Variants in SLC22A2 observed in about 807,000 individuals in gnomAD.
SLC22A2 encodes solute carrier family 22 member 2.
In SLC22A2, 46 loss-of-function variants were observed where a neutral mutation model predicts 60.5. That is an observed-to-expected ratio of 0.76 (90% CI 0.60 to 0.97). The LOEUF (loss-of-function observed/expected upper bound fraction) is 0.97. Ranked by LOEUF, SLC22A2 falls within the 50% of genes least tolerant of loss-of-function variation. The pLI is 0.00. For synonymous variants in SLC22A2, 303 were observed against 267.0 expected (o/e 1.13, Z -1.31); for missense variants, 701 against 706.6 (o/e 0.99, Z 0.09).
At chr6:160,226,856 G>A (rs994271315) in intron 9 of SLC22A2, among the ~76,000 whole-genome samples, 2 of 152,032 alleles carry the variant, frequency 1.3e-5, no homozygotes, top group African/African-American at 2.4e-5. Flanking sequence ...ATGGAAAGGG[G>A]TGGGGGTCAG....
chr6:160,229,119 C>A (rs1275410346), intron 9 of SLC22A2, among the ~76,000 whole-genome samples: 1 of 151,850 alleles, frequency 6.6e-6, no homozygotes, highest in Non-Finnish European at 1.5e-5. Context: ...CTGCTCTTTG[C>A]TCTGTGAGAA....
chr6:160,257,764 A>G (rs1257660099), intron 1 of SLC22A2: 1 of 152,038 alleles, frequency 6.6e-6, no homozygotes, highest in African/African-American at 2.4e-5. Flanking sequence ...TTTCTATTAT[A>G]TTTATTGGAA....
At chr6:160,241,888 T>C (rs1303264913) in intron 8 of SLC22A2, among the ~76,000 whole-genome samples, 1 of 152,014 alleles carries the variant, frequency 6.6e-6, no homozygotes, top group Non-Finnish European at 1.5e-5. Flanking sequence ...TATATATATA[T>C]ATATATACAT....
chr6:160,233,866 C>T (rs958917568), intron 9 of SLC22A2, among the ~76,000 whole-genome samples: 1 of 151,738 alleles, frequency 6.6e-6, no homozygotes, highest in African/African-American at 2.4e-5. Flanking sequence ...TTCACCACCC[C>T]AAAACTTTAC....
At chr6:160,221,144 T>C (rs1222351764) in intron 10 of SLC22A2, among the ~76,000 whole-genome samples, 1 of 152,244 alleles carries the variant, frequency 6.6e-6, no homozygotes, top group African/African-American at 2.4e-5. Context: ...TGATCACCTT[T>C]ATCAGTGATC....
intron 2 of SLC22A2, among the ~76,000 whole-genome samples, chr6:160,255,989 A>C (rs539286474): frequency 6.6e-6 from 1 of 152,318 alleles, no homozygotes; most frequent in East Asian, 1.9e-4. Context: ...GCTGAAGACA[A>C]GACTCATCAG....
chr6:160,241,912 TTC>T (rs1783010499), intron 8 of SLC22A2, among the ~76,000 whole-genome samples: 3 of 150,054 alleles, frequency 2.0e-5, no homozygotes, highest in African/African-American at 7.3e-5. Flanking sequence ...TCCATTCATA[TTC>T]TGTCATTCTT....
At chr6:160,231,257 GC>G (rs1239107760) in intron 9 of SLC22A2, among the ~76,000 whole-genome samples, 1 of 151,566 alleles carries the variant, frequency 6.6e-6, no homozygotes, top group Non-Finnish European at 1.5e-5. Context: ...CCCTTATTAG[GC>G]CAAGATATTT....
At position 160,242,407 on chromosome 6, in the gene SLC22A2, G is replaced by C. The variant is rs1326277397; in HGVS notation, c.1280-5C>G. 6.8e-7 allele frequency: 1 copy of C among 1,468,890 alleles called. No individual in the cohort carries two copies. The highest frequency in any genetic ancestry group is 1.4e-5 in the African/African-American group (1 of 72,024). 91.0% of individuals were successfully genotyped at this position (1,468,890 alleles called of 1,614,324 possible). The stretch of plus-strand genomic sequence containing the variant: ...TAATTTTTAGCCATTGTAGATCTAA[G>C]AGGGAAAAGAACAGTACTTATCCGT... On this transcript the variant is annotated splice_polypyrimidine_tract_variant and splice_region_variant and intron_variant, in intron 7 of 10. Coordinates refer to ENST00000366953, the MANE Select transcript of SLC22A2 (RefSeq NM_003058.4).
intron 9 of SLC22A2, among the ~76,000 whole-genome samples, chr6:160,227,155 A>C (rs1782737547): frequency 6.6e-6 from 1 of 152,192 alleles, no homozygotes; most frequent in African/African-American, 2.4e-5. Flanking sequence ...TTCCCTTTCC[A>C]GACCCTCCCA....
At chr6:160,224,425 T>C (rs1166312790) in intron 10 of SLC22A2, among the ~76,000 whole-genome samples, 1 of 152,204 alleles carries the variant, frequency 6.6e-6, no homozygotes, top group African/African-American at 2.4e-5. Context: ...CAGAATATTT[T>C]ATTTTTATGA....
At chr6:160,218,705 A>G (rs375225446) in intron 10 of SLC22A2, among the ~76,000 whole-genome samples, 3 of 24,684 alleles carry the variant, frequency 1.2e-4, no homozygotes, top group African/African-American at 1.7e-4. Context: ...AGCAGCAGCA[A>G]CAGCAACAGC....
At chr6:160,230,995 C>T (rs1050932017) in intron 9 of SLC22A2, among the ~76,000 whole-genome samples, 3 of 151,914 alleles carry the variant, frequency 2.0e-5, no homozygotes, top group Non-Finnish European at 4.4e-5. Context: ...TCGGAAGCCC[C>T]CTGGACCATG....
At chr6:160,258,095 T>C (rs1243091406) in intron 1 of SLC22A2, 2 of 504,140 alleles carry the variant, frequency 4.0e-6, no homozygotes, top group Admixed American at 3.7e-5. Context: ...GGCCTGTTCC[T>C]TATTGCTGGG....
At chr6:160,228,224 AC>A (rs1782757947) in intron 9 of SLC22A2, among the ~76,000 whole-genome samples, 1 of 152,150 alleles carries the variant, frequency 6.6e-6, no homozygotes, top group African/African-American at 2.4e-5. Flanking sequence ...TTTCTGGTGA[AC>A]CCTGAAGGGA....
intron 9 of SLC22A2, among the ~76,000 whole-genome samples, chr6:160,236,039 A>C (rs780655015): frequency 1.1e-4 from 16 of 152,194 alleles, no homozygotes; most frequent in Non-Finnish European, 1.6e-4. Flanking sequence ...TACAGAAGTA[A>C]CATATTTATT....
At chr6:160,253,204 G>C (rs1379011392) in intron 2 of SLC22A2, among the ~76,000 whole-genome samples, 1 of 152,134 alleles carries the variant, frequency 6.6e-6, no homozygotes, top group Non-Finnish European at 1.5e-5. Flanking sequence ...CAGTGTGCCT[G>C]GAATAGCAGC....
intron 9 of SLC22A2, among the ~76,000 whole-genome samples, chr6:160,232,877 G>T (rs549318074): frequency 6.6e-6 from 1 of 151,736 alleles, no homozygotes; most frequent in African/African-American, 2.4e-5. Context: ...CTTTTCCCAC[G>T]TAAGGCAAAT....
At chr6:160,230,129 C>T (rs1463345827) in intron 9 of SLC22A2, among the ~76,000 whole-genome samples, 2 of 151,786 alleles carry the variant, frequency 1.3e-5, no homozygotes, top group Non-Finnish European at 2.9e-5. Flanking sequence ...CCCCTCCTCA[C>T]CAGGCTGCTC....
Sources: gnomAD v4.1 joint callset for allele counts (sites outside exome capture counted in the v4.1 genomes callset) on GRCh38, gnomAD v4.1.1 for gene constraint, MANE v1.5 for transcripts, NCBI Gene and HGNC (gene_info 2026-07-23, HGNC 2026-07-21) for gene names.